Variants in URGCP observed in about 807,000 individuals in gnomAD.
URGCP encodes the protein upregulator of cell proliferation.
In URGCP, 13 loss-of-function variants were observed where a neutral mutation model predicts 24.6. That is an observed-to-expected ratio of 0.53 (90% CI 0.34 to 0.84). The LOEUF (loss-of-function observed/expected upper bound fraction) is 0.84. URGCP is among the 40% of genes least tolerant of loss of function. The pLI, the probability that URGCP is intolerant of heterozygous loss-of-function variation, is 0.01. For synonymous variants in URGCP, 444 were observed against 487.2 expected (o/e 0.91, Z 1.17); for missense variants, 899 against 1,194.3 (o/e 0.75, Z 3.64).
chr7:43,892,104 G>T (rs1234625827), intron 1 of URGCP, among the ~76,000 whole-genome samples: 1 of 151,632 alleles, frequency 6.6e-6, no homozygotes, highest in South Asian at 2.1e-4. Context: ...TTTTTATAGA[G>T]ACAGGGTTTC....
intron 1 of URGCP, among the ~76,000 whole-genome samples, chr7:43,890,483 TG>T (rs1442186861): frequency 2.0e-5 from 3 of 152,158 alleles, no homozygotes; most frequent in Non-Finnish European, 4.4e-5. Flanking sequence ...CCCAAAGTGC[TG>T]GGATTACAGA....
rs1259090153 is a variant in URGCP at position 43,877,933 on chromosome 7, C to A, written c.1530G>T (p.Glu510Asp). 1.2e-6 allele frequency: 2 copies of A among 1,614,158 alleles called. No individual in the cohort carries two copies. The highest frequency in any genetic ancestry group is 4.5e-5 in the East Asian group (2 of 44,878). Reference sequence around the variant, plus strand: ...CCACGGCCCACTGGAGCTGGCAGAACTCCTTCTCCACTTGGGCTGCCTTTC... The same window carrying A: ...CCACGGCCCACTGGAGCTGGCAGAAATCCTTCTCCACTTGGGCTGCCTTTC... The part of the protein sequence containing the change: ...PWRKAAQVEK[E>D]FCQLQWAVDP... The change falls in exon 6 of 6, where the codon GAG becomes GAT. Residue 510 changes from glutamate (E) to aspartate (D), a missense_variant. Transcript: ENST00000453200.
At chr7:43,881,523 G>T (rs2095853866) in intron 5 of URGCP, 136 bp downstream of exon 5, 7 of 956,434 alleles carry the variant, frequency 7.3e-6, no homozygotes, top group Non-Finnish European at 1.1e-5. Flanking sequence ...TGTATAAAGG[G>T]TTAATGAAGT....
chr7:43,878,139 G>T lies in URGCP; in HGVS notation c.1324C>A (p.Pro442Thr), dbSNP rs1056371250. ...RAIVGNVLRA[P>T]CRRVSVEDMA... The stretch of plus-strand genomic sequence containing the variant: ...TCCTCCACAGATACCCGCCTGCAGG[G>T]TGCCCGCAGCACATTCCCAACGATG... Residue 442 changes from proline to threonine, a missense_variant, in exon 6 of 6, where the codon CCC (proline) becomes ACC (threonine). Transcript: ENST00000453200. This position sits in a 1 kb window ranked among gnomAD's most constrained non-coding sequence, Gnocchi z 5.6. 6.2e-7 allele frequency: 1 copy of T among 1,614,248 alleles called. No homozygotes were observed. The highest frequency in any genetic ancestry group is 8.5e-7 in the Non-Finnish European group (1 of 1,180,046).
chr7:43,881,520 AG>A, intron 5 of URGCP, 138 bp downstream of exon 5: 1 of 962,480 alleles, frequency 1.0e-6, no homozygotes, highest in Non-Finnish European at 1.5e-6. Context: ...CAATGTATAA[AG>A]GGTTAATGAA....
chr7:43,892,092 A>AT (rs2095871654), intron 1 of URGCP, among the ~76,000 whole-genome samples: 2 of 146,790 alleles, frequency 1.4e-5, no homozygotes, highest in Admixed American at 6.8e-5. Context: ...TATTTTTTGT[A>AT]TTTTTTATAG....
intron 5 of URGCP, chr7:43,879,783 C>T (rs559542294): frequency 6.6e-6 from 1 of 150,764 alleles, no homozygotes. Context: ...TGTTTTTTTT[C>T]TCTCTAGAAA....
chr7:43,910,767 G>A (rs1442950030), upstream of URGCP: 1 of 151,998 alleles, frequency 6.6e-6, no homozygotes, highest in African/African-American at 2.4e-5. Flanking sequence ...GAGATGGTAG[G>A]ATCTCTTGAG....
At chr7:43,909,163 A>T (rs1304731765), upstream of URGCP, among the ~76,000 whole-genome samples, 1 of 152,208 alleles carries the variant, frequency 6.6e-6, no homozygotes. Context: ...CTTCTGAAAC[A>T]TATATACTCT....
At chr7:43,923,718 T>G (rs2095925341) in intron 1 of URGCP, among the ~76,000 whole-genome samples, 1 of 152,244 alleles carries the variant, frequency 6.6e-6, no homozygotes, top group Non-Finnish European at 1.5e-5. Context: ...CTTAATATAC[T>G]CTGCATCTTA....
At chr7:43,921,309 T>C (rs1286864695) in intron 1 of URGCP, among the ~76,000 whole-genome samples, 2 of 146,784 alleles carry the variant, frequency 1.4e-5, no homozygotes, top group South Asian at 2.2e-4. Flanking sequence ...CTGGGCGAAA[T>C]AGCGAGACTC....
chr7:43,920,696 C>G (rs371323288), intron 1 of URGCP, among the ~76,000 whole-genome samples: 1 of 152,114 alleles, frequency 6.6e-6, no homozygotes, highest in East Asian at 1.9e-4. Context: ...ACCCTTAATG[C>G]ATGCACGAGG....
chr7:43,897,014 A>T (rs1054867208), intron 1 of URGCP, among the ~76,000 whole-genome samples: 1 of 152,162 alleles, frequency 6.6e-6, no homozygotes, highest in Admixed American at 6.5e-5. Flanking sequence ...CTTGGTTTAC[A>T]GTTCAACAAG....
chr7:43,921,450 T>C (rs1010814087), intron 1 of URGCP, among the ~76,000 whole-genome samples: 16 of 152,252 alleles, frequency 1.1e-4, no homozygotes, highest in African/African-American at 3.9e-4. Context: ...GTGACTTTAA[T>C]CCTTGAGAAA....
In URGCP at chr7:43,878,860, T is replaced by C. The variant is rs202076252; in HGVS notation, c.603A>G (p.Glu201=). 64 of 1,614,196 alleles carry C rather than the reference T, an allele frequency of 4.0e-5. No homozygotes were observed. The highest frequency in any genetic ancestry group is 5.1e-5 in the Non-Finnish European group (60 of 1,180,036). ...LLSSDSFLQQ[E]IALKMALCQF... is the part of the protein sequence containing the mutation. Reference sequence around the variant, plus strand: ...GGCAGAGGGCCATTTTCAACGCTATTTCTTGTTGCAGGAAACTGTCTGAGG... The same window carrying C: ...GGCAGAGGGCCATTTTCAACGCTATCTCTTGTTGCAGGAAACTGTCTGAGG... The change falls in exon 6 of 6, where the codon GAA becomes GAG. Residue 201 remains glutamate (E), a synonymous_variant. Coordinates refer to ENST00000453200, the MANE Select transcript of URGCP (RefSeq NM_001077663.3). This position sits in a 1 kb window ranked among gnomAD's most constrained non-coding sequence, Gnocchi z 5.6.
rs549423497 is a variant in URGCP, at chr7:43,876,547, T to C, written c.*120A>G. On this transcript the variant is annotated 3_prime_UTR_variant, in exon 6 of 6. Transcript: ENST00000453200. ...TCCAAACCCTGTCTTTTCCTCGTCT[T>C]CTCATGTCGATTGGGCACCAGCCAT... 20 of 1,121,808 alleles carry C rather than the reference T, an allele frequency of 1.8e-5. 1 individual carries two copies. In the Middle Eastern group the frequency reaches 8.1e-4, roughly 46 times the overall value. 69.5% of individuals were successfully genotyped at this position (1,121,808 alleles called of 1,614,324 possible). A position where few individuals can be genotyped will look rare whatever the true frequency, so the allele number is the denominator to read the frequency against.
chr7:43,878,096 C>T lies in URGCP; in HGVS notation c.1367G>A (p.Arg456His), dbSNP rs1352811460. The T allele has an allele frequency of 2.5e-6, 4 of 1,614,122 alleles. No homozygotes were observed. The highest frequency in any genetic ancestry group is 2.7e-5 in the African/African-American group (2 of 74,942). Residue 456 changes from arginine (R) to histidine (H), a missense_variant, in exon 6 of 6, where the codon CGC (arginine) becomes CAC (histidine). Transcript: ENST00000453200. The surrounding 1 kb of genome is among the most constrained non-coding windows in gnomAD (Gnocchi z 5.6). ...CTCGTCGACCTTTAGGCCCAGTTTG[C>T]GGGCTGCGTGCGCCATGTCCTCCAC... ...VSVEDMAHAA[R>H]KLGLKVDEDC...
At chr7:43,920,762 A>G (rs1043461401) in intron 1 of URGCP, among the ~76,000 whole-genome samples, 10 of 152,138 alleles carry the variant, frequency 6.6e-5, no homozygotes, top group Non-Finnish European at 1.3e-4. Context: ...AAAAGGTGCC[A>G]TGCATGCCAT....
At chr7:43,882,458 GAACA>G (rs971485230) in intron 3 of URGCP, among the ~76,000 whole-genome samples, 19 of 151,904 alleles carry the variant, frequency 1.3e-4, no homozygotes, top group African/African-American at 3.6e-4. Context: ...AAAAACAAAC[GAACA>G]AACAAAAATT....
Sources: gnomAD v4.1 joint callset for allele counts (sites outside exome capture counted in the v4.1 genomes callset) on GRCh38, gnomAD v4.1.1 for gene constraint, Gnocchi (gnomAD v3.1) non-coding constraint, MANE v1.5 for transcripts, NCBI Gene and HGNC (gene_info 2026-07-23, HGNC 2026-07-21) for gene names.